OXNAD1: variants seen among roughly 807,000 people sequenced by gnomAD.
OXNAD1 encodes oxidoreductase NAD binding domain containing 1.
A neutral mutation model predicts 32.9 loss-of-function variants in OXNAD1; 34 were observed. The ratio of observed to expected loss-of-function variants is 1.03; its 90% CI spans 0.79 to 1.38. The LOEUF (loss-of-function observed/expected upper bound fraction) is 1.38, where lower values mean the gene tolerates loss of function less well. OXNAD1 is among the 40% of genes most tolerant of loss of function. The pLI, the probability that OXNAD1 is intolerant of heterozygous loss-of-function variation, is 0.00. For missense variants in OXNAD1, 407 were observed against 379.4 expected (o/e 1.07, Z -0.60); for synonymous variants, 134 against 135.2 (o/e 0.99, Z 0.06).
At chr3:16,272,302 G>A (rs1308899142) in intron 4 of OXNAD1, 2 of 324,950 alleles carry the variant, frequency 6.2e-6, no homozygotes, top group African/African-American at 4.5e-5. Flanking sequence ...AGAAATAAAG[G>A]ATCCTCACCC....
chr3:16,298,412 A>G lies in OXNAD1; in HGVS notation c.433-3214A>G, dbSNP rs897437612. Among the ~76,000 whole-genome samples, 2 of 152,122 alleles carry G rather than the reference A, an allele frequency of 1.3e-5. No homozygotes were observed. The highest frequency in any genetic ancestry group is 2.9e-5 in the Non-Finnish European group (2 of 68,028). On this transcript the variant is annotated intron_variant, in intron 6 of 8. Transcript: ENST00000285083. The surrounding 1 kb of genome is among the most constrained non-coding windows in gnomAD (Gnocchi z 5.1). ...AGCTTCCTGCTTGGTTTCATGCCTC[A>G]TTGGCATTTCAGTGAAGAAACTTAT...
chr3:16,291,480 T>C lies in OXNAD1; in HGVS notation c.291-3376T>C, dbSNP rs530251696. On this transcript the variant is annotated intron_variant, in intron 5 of 8. Coordinates refer to ENST00000285083, the MANE Select transcript of OXNAD1 (RefSeq NM_138381.5). ...TTTGTCTCTATGGATTTGTCTCTTA[T>C]AGACATTTTATACCAGCAGAATCAT... Among the ~76,000 whole-genome samples, 79 of 152,342 alleles carry C rather than the reference T, an allele frequency of 5.2e-4. 1 individual carries two copies. The highest frequency in any genetic ancestry group is 4.3e-3 in the Admixed American group (66 of 15,300).
At chr3:16,331,500 A>G (rs1160033042) in intron 9 of OXNAD1, among the ~76,000 whole-genome samples, 1 of 152,110 alleles carries the variant, frequency 6.6e-6, no homozygotes, top group East Asian at 1.9e-4. Flanking sequence ...TCTTTTTTAT[A>G]TAACCCTCTG....
In OXNAD1 at chr3:16,334,955, GC is replaced by G. The variant is rs988325557; in HGVS notation, c.*31-2155del. On this transcript the variant is annotated intron_variant, in intron 9 of 9. Coordinates refer to the OXNAD1 transcript ENST00000435829. The surrounding 1 kb of genome is among the most constrained non-coding windows in gnomAD (Gnocchi z 4.3). ...GAGGCTGGAGTGATGCAGGGAAGGG[GC>G]CACGAGCCAAGGAACATGGGCAGCT... Among the ~76,000 whole-genome samples the G allele has an allele frequency of 3.9e-5, 6 of 152,180 alleles. No homozygotes were observed. The highest frequency in any genetic ancestry group is 1.4e-4 in the African/African-American group (6 of 41,428).
intron 5 of OXNAD1, among the ~76,000 whole-genome samples, chr3:16,292,023 G>A (rs111336774): frequency 0.032 from 4,898 of 152,052 alleles, 108 homozygotes; most frequent in Middle Eastern, 0.082. Context: ...CCATTTATAT[G>A]TCTTCTTTGA....
In OXNAD1 at chr3:16,343,584, C is replaced by CT. The variant is rs1423410544; in HGVS notation, c.*31-5591dup. On this transcript the variant is annotated intron_variant, in intron 9 of 9. Transcript: ENST00000606098. ...GGTGGTCATGGTGGAACCTAAGACT[C>CT]TAAGTCAGCCAGCACTGGACTGAAG... 8.5e-5 allele frequency among the ~76,000 whole-genome samples: 13 copies of CT among 152,320 alleles called. No individual in the cohort carries two copies. In the East Asian group the frequency reaches 1.5e-3, roughly 18 times the overall value.
rs1431867107 is a variant in OXNAD1, at chr3:16,301,146, C to T, written c.433-480C>T. Among the ~76,000 whole-genome samples, 4 of 152,178 alleles carry T rather than the reference C, an allele frequency of 2.6e-5. No individual in the cohort carries two copies. The highest frequency in any genetic ancestry group is 9.7e-5 in the African/African-American group (4 of 41,450). ...GTAGAGCTGGTCTGGCTGTGCCTTA[C>T]TGAGGATCAAGAAGGAGCACCAGTA... On this transcript the variant is annotated intron_variant, in intron 6 of 8. Transcript: ENST00000285083. This position sits in a 1 kb window ranked among gnomAD's most constrained non-coding sequence, Gnocchi z 4.1.
intron 6 of OXNAD1, among the ~76,000 whole-genome samples, chr3:16,296,597 A>G (rs1345919388): frequency 1.3e-5 from 2 of 152,226 alleles, no homozygotes; most frequent in East Asian, 3.8e-4. Flanking sequence ...TCAAAACAGT[A>G]TGGTATTGGT....
downstream of OXNAD1, among the ~76,000 whole-genome samples, chr3:16,341,168 A>G (rs2071292524): frequency 6.6e-6 from 1 of 152,244 alleles, no homozygotes. This position sits in a 1 kb window ranked among gnomAD's most constrained non-coding sequence, Gnocchi z 4.7. Context: ...AATGCCGGTG[A>G]GGATGTGGAA....
intron 5 of OXNAD1, among the ~76,000 whole-genome samples, chr3:16,294,558 C>T (rs1419742217): frequency 6.6e-6 from 1 of 152,144 alleles, no homozygotes; most frequent in African/African-American, 2.4e-5. Flanking sequence ...TAACTCAATC[C>T]TTTAACTTGT....
chr3:16,313,087 C>T (rs780085433), intron 9 of OXNAD1, among the ~76,000 whole-genome samples: 2 of 150,392 alleles, frequency 1.3e-5, no homozygotes, highest in East Asian at 1.9e-4. Flanking sequence ...GTTCTATTGT[C>T]CAGGCTGGAG....
chr3:16,295,079 C>G (rs2066687282), intron 6 of OXNAD1, 82 bp downstream of exon 6: 1 of 1,445,686 alleles, frequency 6.9e-7, no homozygotes, highest in Non-Finnish European at 9.2e-7. Flanking sequence ...TTTGATTCAC[C>G]TAAGAAACCT....
chr3:16,282,268 A>T (rs772099205), intron 4 of OXNAD1, among the ~76,000 whole-genome samples: 7 of 151,774 alleles, frequency 4.6e-5, no homozygotes, highest in Non-Finnish European at 8.8e-5. Context: ...GGAAAATACC[A>T]GTTCTACTAA....
chr3:16,330,316 G>C (rs1277938199), intron 9 of OXNAD1, among the ~76,000 whole-genome samples: 1 of 152,300 alleles, frequency 6.6e-6, no homozygotes, highest in East Asian at 1.9e-4. Flanking sequence ...GTGATTTTCC[G>C]TAAGCATCTA....
chr3:16,351,956 G>A (rs2072133471), downstream of OXNAD1, among the ~76,000 whole-genome samples: 1 of 152,208 alleles, frequency 6.6e-6, no homozygotes, highest in African/African-American at 2.4e-5. This position sits in a 1 kb window ranked among gnomAD's most constrained non-coding sequence, Gnocchi z 5.4. Context: ...ACTGGGCATT[G>A]TAGCCAGCAC....
chr3:16,310,417 T>G (rs2125123553), downstream of OXNAD1, among the ~76,000 whole-genome samples: 1 of 152,356 alleles, frequency 6.6e-6, no homozygotes, highest in East Asian at 1.9e-4. Context: ...AATATATTTC[T>G]TACTATCTTT....
Position 16,322,977 on chromosome 3 carries a change from C to T in OXNAD1, c.*31-14135C>T, listed in dbSNP as rs2069246278. On this transcript the variant is annotated intron_variant, in intron 9 of 9. Transcript: ENST00000435829. This position sits in a 1 kb window ranked among gnomAD's most constrained non-coding sequence, Gnocchi z 6.2. ...AATGTCCTAAGGAATCTTAACAGGG[C>T]AGGCCAGAGCTCCAACTAGCTGATA... 6.6e-6 allele frequency among the ~76,000 whole-genome samples: 1 copy of T among 152,174 alleles called. No individual in the cohort carries two copies. Among genetic ancestry groups the T allele is most frequent in the African/African-American group, 2.4e-5 (1 of 41,442 alleles).
chr3:16,349,792 T>C (rs942813326), exon 10 of OXNAD1: 1 of 152,264 alleles, frequency 6.6e-6, no homozygotes, highest in African/African-American at 2.4e-5. Context: ...ATCTTGTATC[T>C]AGAAAGATTC....
At chr3:16,306,754 T>G (rs944908370), downstream of OXNAD1, among the ~76,000 whole-genome samples, 1 of 152,204 alleles carries the variant, frequency 6.6e-6, no homozygotes, top group Admixed American at 6.5e-5. Context: ...ATTTAGAACT[T>G]GTTTATATTC....
Sources: gnomAD v4.1 joint callset for allele counts (sites outside exome capture counted in the v4.1 genomes callset) on GRCh38, gnomAD v4.1.1 for gene constraint, Gnocchi (gnomAD v3.1) non-coding constraint, MANE v1.5 for transcripts, NCBI Gene and HGNC (gene_info 2026-07-23, HGNC 2026-07-21) for gene names.